Variants in MATCAP2 observed in about 807,000 individuals in gnomAD.
The protein encoded by MATCAP2 is microtubule associated tyrosine carboxypeptidase 2.
At chr7:36,342,059 C>A in the MATCAP2 span, among the ~76,000 whole-genome samples, 1 of 152,038 alleles carries the variant, frequency 6.6e-6, no homozygotes, top group Admixed American at 6.5e-5. Flanking sequence ...TTTTTTCAGA[C>A]AAAATCTCAC....
the MATCAP2 span, among the ~76,000 whole-genome samples, chr7:36,337,123 A>AAAAAAAAAAAC: frequency 1.2e-4 from 17 of 145,582 alleles, no homozygotes; most frequent in Non-Finnish European, 2.1e-4. Flanking sequence ...AAAAAAAAAA[A>AAAAAAAAAAAC]AAGCAATCAG....
At chr7:36,372,915 G>A in the MATCAP2 span, among the ~76,000 whole-genome samples, 7 of 152,068 alleles carry the variant, frequency 4.6e-5, no homozygotes, top group African/African-American at 1.7e-4. Flanking sequence ...GACCATCCTG[G>A]CCAACATGGT....
At chr7:36,358,119 A>G in the MATCAP2 span, among the ~76,000 whole-genome samples, 2 of 152,080 alleles carry the variant, frequency 1.3e-5, no homozygotes, top group Non-Finnish European at 2.9e-5. Context: ...AATTGCCTGA[A>G]TCCGGGAGGC....
the MATCAP2 span, among the ~76,000 whole-genome samples, chr7:36,346,561 G>C: frequency 1.3e-5 from 2 of 152,160 alleles, no homozygotes; most frequent in Non-Finnish European, 2.9e-5. Context: ...CATTCATATC[G>C]AAAGTCCAGA....
the MATCAP2 span, among the ~76,000 whole-genome samples, chr7:36,350,555 G>C: frequency 7.6e-6 from 1 of 132,088 alleles, no homozygotes; most frequent in African/African-American, 2.8e-5. Flanking sequence ...TTTTTTTTGA[G>C]ACAGAGTCTC....
chr7:36,376,033 A>C, the MATCAP2 span, among the ~76,000 whole-genome samples: 62,957 of 151,866 alleles, frequency 0.41, 13,580 homozygotes, highest in African/African-American at 0.51. Flanking sequence ...TCTTTTCAAA[A>C]AACCAGCTCC....
At chr7:36,379,417 G>A in the MATCAP2 span, among the ~76,000 whole-genome samples, 1 of 152,126 alleles carries the variant, frequency 6.6e-6, no homozygotes, top group Non-Finnish European at 1.5e-5. Context: ...CGTGTACATA[G>A]AGAGTAACAT....
At chr7:36,346,598 T>C in the MATCAP2 span, among the ~76,000 whole-genome samples, 1 of 151,914 alleles carries the variant, frequency 6.6e-6, no homozygotes, top group Non-Finnish European at 1.5e-5. Context: ...AGTCAGAAAA[T>C]AGACTGGTGG....
chr7:36,381,289 GA>G, the MATCAP2 span, among the ~76,000 whole-genome samples: 1 of 152,138 alleles, frequency 6.6e-6, no homozygotes, highest in Non-Finnish European at 1.5e-5. Context: ...GTGTTGATTG[GA>G]GTCCATGTGT....
the MATCAP2 span, among the ~76,000 whole-genome samples, chr7:36,384,710 G>C: frequency 6.6e-6 from 1 of 152,210 alleles, no homozygotes; most frequent in Non-Finnish European, 1.5e-5. Flanking sequence ...TCTTTCAGGA[G>C]GTAGCACATG....
the MATCAP2 span, chr7:36,356,055 C>T: frequency 6.6e-6 from 1 of 152,096 alleles, no homozygotes; most frequent in East Asian, 1.9e-4. Flanking sequence ...TGAATAAGTG[C>T]TTAAATATTT....
the MATCAP2 span, among the ~76,000 whole-genome samples, chr7:36,385,972 T>C: frequency 6.6e-6 from 1 of 151,934 alleles, no homozygotes; most frequent in Admixed American, 6.6e-5. Context: ...CTGGCCAACA[T>C]GGGGAAACCC....
the MATCAP2 span, among the ~76,000 whole-genome samples, chr7:36,377,486 G>C: frequency 6.6e-6 from 1 of 152,170 alleles, no homozygotes; most frequent in Non-Finnish European, 1.5e-5. Context: ...ATTCTGATGG[G>C]CTTCCCTTTG....
the MATCAP2 span, chr7:36,326,795 C>T: frequency 6.6e-5 from 107 of 1,613,548 alleles, no homozygotes; most frequent in Admixed American, 2.7e-4. Flanking sequence ...TCAGTCAGTT[C>T]ATTCACTTCC....
the MATCAP2 span, among the ~76,000 whole-genome samples, chr7:36,363,162 T>C: frequency 1.3e-5 from 2 of 152,194 alleles, no homozygotes. Flanking sequence ...GAAGACAACA[T>C]GGTAGGTACC....
the MATCAP2 span, among the ~76,000 whole-genome samples, chr7:36,329,872 C>T: frequency 6.5e-4 from 99 of 152,254 alleles, no homozygotes; most frequent in South Asian, 0.019. Context: ...GGTTATCAAA[C>T]ACCCAGATGA....
the MATCAP2 span, chr7:36,336,072 A>G: frequency 9.8e-6 from 11 of 1,124,162 alleles, no homozygotes; most frequent in Non-Finnish European, 1.3e-5. Flanking sequence ...CTCCATTTCA[A>G]AAAATAAAAT....
At chr7:36,355,239 G>A in the MATCAP2 span, 11 of 152,172 alleles carry the variant, frequency 7.2e-5, no homozygotes, top group South Asian at 2.1e-4. Flanking sequence ...TGCCAAGCAC[G>A]ATGATAACTG....
the MATCAP2 span, chr7:36,367,148 G>A: frequency 2.5e-6 from 3 of 1,219,036 alleles, no homozygotes; most frequent in Admixed American, 8.7e-5. Flanking sequence ...CCAGCCCGTA[G>A]CTACTGGAAG....
Sources: gnomAD v4.1 joint callset for allele counts (sites outside exome capture counted in the v4.1 genomes callset) on GRCh38, gnomAD v4.1.1 for gene constraint, MANE v1.5 for transcripts, NCBI Gene and HGNC (gene_info 2026-07-23, HGNC 2026-07-21) for gene names.